Variants in CNNM2 observed in about 807,000 individuals in gnomAD.
CNNM2 encodes the protein metal transporter CNNM2.
CNNM2 carries 12 observed loss-of-function variants against 66.9 expected under a neutral mutation model. The observed-to-expected ratio is 0.18, with a 90% CI of 0.11 to 0.29. The LOEUF (loss-of-function observed/expected upper bound fraction) is 0.29. Among genes scored for constraint, CNNM2 ranks in the 10% least tolerant of loss-of-function variants. The pLI, the probability that CNNM2 is intolerant of heterozygous loss-of-function variation, is 1.00. For missense variants in CNNM2, 705 were observed against 1,167.7 expected (o/e 0.60, Z 5.77); for synonymous variants, 557 against 501.8 (o/e 1.11, Z -1.47).
At chr10:102,941,712 T>C (rs1846439620) in intron 1 of CNNM2, among the ~76,000 whole-genome samples, 2 of 152,224 alleles carry the variant, frequency 1.3e-5, no homozygotes, top group Non-Finnish European at 2.9e-5. Flanking sequence ...TCCATGGCAG[T>C]CTTACGATTC....
intron 1 of CNNM2, among the ~76,000 whole-genome samples, chr10:103,007,560 A>T (rs2064251385): frequency 6.6e-6 from 1 of 152,078 alleles, no homozygotes; most frequent in East Asian, 1.9e-4. Flanking sequence ...TTAATTATTA[A>T]TATTCCTTCC....
intron 1 of CNNM2, among the ~76,000 whole-genome samples, chr10:102,954,209 C>T (rs1846950868): frequency 6.7e-6 from 1 of 149,480 alleles, no homozygotes. Flanking sequence ...CTCACTTTAG[C>T]CTCGACCTCC....
chr10:103,066,467 G>A (rs953072745), intron 4 of CNNM2, among the ~76,000 whole-genome samples: 2 of 152,116 alleles, frequency 1.3e-5, no homozygotes, highest in African/African-American at 4.8e-5. Flanking sequence ...CCACCCTCGT[G>A]GAAGCAGACT....
At chr10:102,927,902 C>T (rs554878442) in intron 1 of CNNM2, among the ~76,000 whole-genome samples, 8 of 152,244 alleles carry the variant, frequency 5.3e-5, no homozygotes, top group South Asian at 2.1e-4. Context: ...CTGTAATGGA[C>T]GGTGAGATCT....
In CNNM2 at chr10:103,007,832, A is replaced by C. The variant is rs1462615332; in HGVS notation, c.1622-41875A>C. Reference sequence around the variant, plus strand: ...TGGTCCTGAGGTGACGTACATCCTCAGCTTATGAAGATAACAGGATTAAGA... The same window carrying C: ...TGGTCCTGAGGTGACGTACATCCTCCGCTTATGAAGATAACAGGATTAAGA... On this transcript the variant is annotated intron_variant, in intron 1 of 7. Transcript: ENST00000369878. 3.3e-5 allele frequency among the ~76,000 whole-genome samples: 5 copies of C among 152,240 alleles called. No individual in the cohort carries two copies. In the East Asian group the frequency reaches 9.6e-4, roughly 29 times the overall value.
intron 1 of CNNM2, among the ~76,000 whole-genome samples, chr10:103,029,628 T>C (rs1027845066): frequency 6.6e-6 from 1 of 151,992 alleles, no homozygotes; most frequent in East Asian, 1.9e-4. Context: ...TTTGGGAGGC[T>C]GAGGCGGGTG....
intron 4 of CNNM2, among the ~76,000 whole-genome samples, chr10:103,066,175 G>T (rs2065473538): frequency 6.6e-6 from 1 of 152,102 alleles, no homozygotes; most frequent in Non-Finnish European, 1.5e-5. Flanking sequence ...CGTGGTCTGG[G>T]CCTCCCTTTT....
At chr10:102,998,449 A>G (rs2064044606) in intron 1 of CNNM2, among the ~76,000 whole-genome samples, 1 of 152,222 alleles carries the variant, frequency 6.6e-6, no homozygotes, top group African/African-American at 2.4e-5. Flanking sequence ...GTATTTTGTT[A>G]CAGATCCTTC....
chr10:103,054,224 A>G lies in CNNM2; in HGVS notation c.1766-105A>G. 1 of 1,314,408 alleles carries G rather than the reference A, an allele frequency of 7.6e-7. No homozygotes were observed. Among genetic ancestry groups the G allele is most frequent in the Non-Finnish European group, 1.0e-6 (1 of 955,096 alleles). 81.4% of individuals were successfully genotyped at this position (1,314,408 alleles called of 1,614,324 possible). ...GTGCATAGAGCGCCTGCATCTGGAA[A>G]TACAGTCCAGCTCTTCCAATATATT... On this transcript the variant is annotated intron_variant, in intron 2 of 7. Coordinates refer to ENST00000369878, the MANE Select transcript of CNNM2 (RefSeq NM_017649.5). The surrounding 1 kb of genome is among the most constrained non-coding windows in gnomAD (Gnocchi z 5.2).
rs17787824 is a variant in CNNM2 at position 102,938,814 on chromosome 10, G to A, written c.1621+18713G>A. On this transcript the variant is annotated intron_variant, in intron 1 of 7. Transcript: ENST00000369878. Reference sequence around the variant, plus strand: ...TCCTTGATATTAAAAATATACCAGCGTTTTGACCTGATTACTGTAGAGTGA... The same window carrying A: ...TCCTTGATATTAAAAATATACCAGCATTTTGACCTGATTACTGTAGAGTGA... Among the ~76,000 whole-genome samples, 2,145 of 151,968 alleles carry A rather than the reference G, an allele frequency of 0.014. 22 individuals are homozygous for A. The highest frequency in any genetic ancestry group is 0.05 in the South Asian group (243 of 4,816).
chr10:103,056,229 CTG>C (rs2065294351), intron 3 of CNNM2, among the ~76,000 whole-genome samples: 2 of 152,074 alleles, frequency 1.3e-5, no homozygotes, highest in Non-Finnish European at 2.9e-5. Flanking sequence ...AATAAAATTG[CTG>C]TCTTTGTAAA....
chr10:103,071,419 C>T (rs1403779370), intron 5 of CNNM2, among the ~76,000 whole-genome samples: 1 of 152,220 alleles, frequency 6.6e-6, no homozygotes, highest in Non-Finnish European at 1.5e-5. Flanking sequence ...GAGTCAGGCT[C>T]TTAGGGCAGT....
chr10:103,051,442 A>G (rs1419997086), intron 2 of CNNM2, among the ~76,000 whole-genome samples: 2 of 151,050 alleles, frequency 1.3e-5, no homozygotes, highest in East Asian at 3.9e-4. Context: ...AAAAATGATA[A>G]TAATAACTGA....
At chr10:103,056,764 A>G in intron 3 of CNNM2, 31 bp from the exon 4 acceptor site, 1 of 1,600,000 alleles carries the variant, frequency 6.3e-7, no homozygotes, top group Admixed American at 1.7e-5. Flanking sequence ...TCTGTTTGAA[A>G]TGTAATATCA....
At chr10:103,048,938 C>T (rs2065173753) in intron 1 of CNNM2, among the ~76,000 whole-genome samples, 1 of 152,126 alleles carries the variant, frequency 6.6e-6, no homozygotes, top group African/African-American at 2.4e-5. Flanking sequence ...TCACTGCAGC[C>T]TCGAACTCCT....
chr10:102,942,259 C>T (rs1239017017), intron 1 of CNNM2, among the ~76,000 whole-genome samples: 6 of 152,188 alleles, frequency 3.9e-5, no homozygotes, highest in Non-Finnish European at 8.8e-5. Context: ...GGTGTGCCAC[C>T]ATTCCAGAAC....
chr10:102,982,133 C>G (rs2063729655), intron 1 of CNNM2, among the ~76,000 whole-genome samples: 1 of 152,076 alleles, frequency 6.6e-6, no homozygotes, highest in Non-Finnish European at 1.5e-5. Context: ...TATTTAGTAT[C>G]CTTCAGACGA....
At chr10:103,038,743 G>A (rs950465726) in intron 1 of CNNM2, among the ~76,000 whole-genome samples, 1 of 152,090 alleles carries the variant, frequency 6.6e-6, no homozygotes, top group Non-Finnish European at 1.5e-5. Flanking sequence ...GGTCTGGGCC[G>A]GCCACTTATG....
chr10:103,002,671 G>A (rs1035930034), intron 1 of CNNM2, among the ~76,000 whole-genome samples: 4 of 152,030 alleles, frequency 2.6e-5, no homozygotes, highest in African/African-American at 9.7e-5. Context: ...TAGAGAGGGG[G>A]TTTCTCCATG....
Sources: allele counts gnomAD v4.1 joint callset (sites outside exome capture counted in the v4.1 genomes callset), GRCh38; gene constraint gnomAD v4.1.1; non-coding constraint Gnocchi (gnomAD v3.1); transcripts MANE v1.5; gene names NCBI Gene and HGNC (gene_info 2026-07-23, HGNC 2026-07-21).